The following CCDC171 variants were observed in gnomAD, a reference collection of about 807,000 sequenced individuals.
The protein encoded by CCDC171 is coiled-coil domain containing 171, also known as coiled-coil domain-containing protein 171.
Under a neutral mutation model 168.2 loss-of-function variants are expected in CCDC171, and 177 were observed. The observed-to-expected ratio is 1.05, with a 90% CI of 0.93 to 1.19. The LOEUF (loss-of-function observed/expected upper bound fraction) is 1.19. CCDC171 is among the 50% of genes most tolerant of loss of function. CCDC171 has a pLI of 0.00. For synonymous variants in CCDC171, 687 were observed against 540.8 expected (o/e 1.27, Z -3.75); for missense variants, 1,991 against 1,539.0 (o/e 1.29, Z -4.91).
intron 24 of CCDC171, among the ~76,000 whole-genome samples, chr9:15,881,831 A>G (rs1030550644): frequency 6.6e-6 from 1 of 152,112 alleles, no homozygotes; most frequent in Non-Finnish European, 1.5e-5. Flanking sequence ...TCTATATCGC[A>G]TTTTCTTTAT....
chr9:15,681,040 G>C (rs1315081444), intron 10 of CCDC171, among the ~76,000 whole-genome samples: 1 of 151,988 alleles, frequency 6.6e-6, no homozygotes, highest in Non-Finnish European at 1.5e-5. Flanking sequence ...AATTTTACTT[G>C]GTACCAACAG....
intron 24 of CCDC171, among the ~76,000 whole-genome samples, chr9:15,893,737 C>T (rs944464674): frequency 6.6e-6 from 1 of 152,124 alleles, no homozygotes; most frequent in African/African-American, 2.4e-5. Flanking sequence ...GAGATGCCAT[C>T]TTGTGCCAGT....
intron 3 of CCDC171, among the ~76,000 whole-genome samples, chr9:15,994,349 C>T (rs933905753): frequency 5.9e-5 from 9 of 152,158 alleles, no homozygotes; most frequent in African/African-American, 2.2e-4. Context: ...AAAATCCAAA[C>T]ACCGCATGTT....
At chr9:16,012,096 T>G (rs536129610) in intron 3 of CCDC171, among the ~76,000 whole-genome samples, 2 of 152,302 alleles carry the variant, frequency 1.3e-5, no homozygotes, top group Admixed American at 6.5e-5. Flanking sequence ...AAGGTTAGGG[T>G]GAACATAGGA....
In CCDC171 at chr9:15,712,031, C is replaced by A. The variant is rs541259570; in HGVS notation, c.1319-9738C>A. On this transcript the variant is annotated intron_variant, in intron 11 of 25. Coordinates refer to ENST00000380701, the MANE Select transcript of CCDC171 (RefSeq NM_173550.4). ...TTTGAAGTCCTGAGAACTGGGAGAGCTGATGATGTAAGCTCTGGCAGGAGT... is the reference window on the plus strand; with the variant it reads ...TTTGAAGTCCTGAGAACTGGGAGAGATGATGATGTAAGCTCTGGCAGGAGT... Among the ~76,000 whole-genome samples the A allele has an allele frequency of 1.4e-4, 21 of 152,268 alleles. No homozygotes were observed. The South Asian group carries it at 3.9e-3, about 29-fold the overall frequency.
intron 24 of CCDC171, chr9:15,875,446 C>A (rs1381293311): frequency 6.6e-6 from 1 of 151,362 alleles, no homozygotes; most frequent in Non-Finnish European, 1.5e-5. Context: ...TCAGTGTGTC[C>A]TTTTAATGCC....
chr9:15,594,070 G>A lies in CCDC171; in HGVS notation c.573G>A (p.Lys191=), dbSNP rs1279287466. The A allele has an allele frequency of 6.3e-7, 1 of 1,590,618 alleles. No homozygotes were observed. Among genetic ancestry groups the A allele is most frequent in the Non-Finnish European group, 8.6e-7 (1 of 1,164,940 alleles). The change falls in exon 6 of 26, where the codon AAG becomes AAA. Residue 191 remains lysine (K), a synonymous_variant. Transcript: ENST00000380701. The part of the protein sequence containing the change: ...QEALEKHQRE[K]NEMESHIRET... The stretch of plus-strand genomic sequence containing the variant: ...CGTTGGAAAAACATCAACGGGAGAA[G>A]AATGAGATGGAGTCTCATATCAGGG...
At chr9:15,615,178 C>G (rs2043991243) in intron 6 of CCDC171, among the ~76,000 whole-genome samples, 1 of 151,940 alleles carries the variant, frequency 6.6e-6, no homozygotes, top group Non-Finnish European at 1.5e-5. Flanking sequence ...ATATAAAAGA[C>G]TTTATACAAT....
At chr9:15,624,576 C>G (rs1413107921) in intron 7 of CCDC171, among the ~76,000 whole-genome samples, 3 of 151,984 alleles carry the variant, frequency 2.0e-5, no homozygotes, top group Non-Finnish European at 4.4e-5. Context: ...GGTTTTCTGT[C>G]CTTGCAATAG....
At chr9:15,916,468 T>C (rs1824535900) in intron 24 of CCDC171, among the ~76,000 whole-genome samples, 1 of 151,998 alleles carries the variant, frequency 6.6e-6, no homozygotes, top group Non-Finnish European at 1.5e-5. Context: ...GTCGAAGTGA[T>C]AGAGTTTTTT....
chr9:16,103,755 C>G, the CCDC171 span, among the ~76,000 whole-genome samples: 2 of 152,160 alleles, frequency 1.3e-5, no homozygotes, highest in African/African-American at 2.4e-5. Flanking sequence ...AGGGCCATAT[C>G]AGGATTAGCC....
chr9:15,804,229 G>T (rs1424166767), intron 21 of CCDC171, among the ~76,000 whole-genome samples: 1 of 151,604 alleles, frequency 6.6e-6, no homozygotes, highest in East Asian at 1.9e-4. Context: ...TTATTTCTTT[G>T]TCTTGCCTGA....
intron 14 of CCDC171, among the ~76,000 whole-genome samples, chr9:15,727,293 C>T (rs988654173): frequency 3.3e-4 from 50 of 152,190 alleles, no homozygotes; most frequent in African/African-American, 1.2e-3. Flanking sequence ...GCCTAAGGGG[C>T]TTGGGATAGA....
intron 3 of CCDC171, among the ~76,000 whole-genome samples, chr9:15,572,368 A>G (rs2040300279): frequency 6.6e-6 from 1 of 152,068 alleles, no homozygotes; most frequent in Admixed American, 6.6e-5. Context: ...AGTTTAGGCC[A>G]CCTGGTATAG....
intron 3 of CCDC171, among the ~76,000 whole-genome samples, chr9:16,015,811 C>T (rs1030913621): frequency 1.3e-5 from 2 of 152,204 alleles, no homozygotes; most frequent in South Asian, 4.1e-4. Context: ...CACGATTCTA[C>T]TTTCTGTCTA....
At chr9:15,904,548 G>A (rs944761933) in intron 24 of CCDC171, among the ~76,000 whole-genome samples, 5 of 152,016 alleles carry the variant, frequency 3.3e-5, no homozygotes, top group Non-Finnish European at 5.9e-5. Context: ...GGGACAACCA[G>A]TACCAGCCAC....
chr9:15,772,177 T>A (rs535257239), intron 18 of CCDC171, among the ~76,000 whole-genome samples: 1 of 152,266 alleles, frequency 6.6e-6, no homozygotes, highest in East Asian at 1.9e-4. Flanking sequence ...TTTCCCTGAT[T>A]AAGATATGCC....
intron 21 of CCDC171, among the ~76,000 whole-genome samples, chr9:15,802,308 A>G (rs1588590512): frequency 1.3e-5 from 2 of 152,052 alleles, no homozygotes; most frequent in African/African-American, 4.8e-5. Context: ...TTTGTTACCT[A>G]CGTAAATGTG....
At chr9:15,667,210 C>G (rs888267871) in intron 9 of CCDC171, among the ~76,000 whole-genome samples, 1 of 152,080 alleles carries the variant, frequency 6.6e-6, no homozygotes, top group African/African-American at 2.4e-5. Flanking sequence ...TTTCCCCCCC[C>G]AGAGGGTGAA....
Sources: gnomAD v4.1 joint callset for allele counts (sites outside exome capture counted in the v4.1 genomes callset) on GRCh38, gnomAD v4.1.1 for gene constraint, MANE v1.5 for transcripts, NCBI Gene and HGNC (gene_info 2026-07-23, HGNC 2026-07-21) for gene names.